The following SLC20A2 variants were observed in gnomAD, a reference collection of about 807,000 sequenced individuals.
The protein encoded by SLC20A2 is solute carrier family 20 member 2.
A neutral mutation model predicts 61.0 loss-of-function variants in SLC20A2; 30 were observed. The observed-to-expected ratio is 0.49, with a 90% confidence interval of 0.37 to 0.67. The LOEUF (loss-of-function observed/expected upper bound fraction) is 0.67. Ranked by LOEUF, SLC20A2 falls within the 30% of genes least tolerant of loss-of-function variation. The pLI, the probability that SLC20A2 is intolerant of heterozygous loss-of-function variation, is 0.00. For synonymous variants in SLC20A2, 351 were observed against 353.3 expected (o/e 0.99, Z 0.07); for missense variants, 626 against 866.4 (o/e 0.72, Z 3.48).
chr8:42,443,294 T>C (rs1804941442), intron 6 of SLC20A2, among the ~76,000 whole-genome samples: 1 of 133,796 alleles, frequency 7.5e-6, no homozygotes, highest in African/African-American at 3.0e-5. Flanking sequence ...TATATATATA[T>C]ATATATATAT....
intron 1 of SLC20A2, among the ~76,000 whole-genome samples, chr8:42,530,269 T>A (rs370159522): frequency 1.3e-5 from 2 of 152,138 alleles, no homozygotes; most frequent in Non-Finnish European, 2.9e-5. Flanking sequence ...TTTTCTACAT[T>A]AGAAATGCAG....
chr8:42,474,718 T>G (rs1807919717), intron 1 of SLC20A2, among the ~76,000 whole-genome samples: 1 of 152,154 alleles, frequency 6.6e-6, no homozygotes. Context: ...CAAAAATGGA[T>G]GTGGTCCTGG....
intron 5 of SLC20A2, among the ~76,000 whole-genome samples, chr8:42,450,951 A>T (rs554950247): frequency 1.3e-5 from 2 of 152,194 alleles, no homozygotes; most frequent in African/African-American, 4.8e-5. Context: ...GGCTTCCCCA[A>T]TCCAAGACTA....
At chr8:42,455,237 A>ATATATAT (rs1194959482) in intron 5 of SLC20A2, among the ~76,000 whole-genome samples, 11 of 101,094 alleles carry the variant, frequency 1.1e-4, no homozygotes, top group Admixed American at 5.5e-4. Flanking sequence ...AAAAAAAAAA[A>ATATATAT]AAAAATATAT....
In SLC20A2 at chr8:42,437,648, C is replaced by CTTG; in HGVS notation, c.935-74_935-72dup. On this transcript the variant is annotated intron_variant, in intron 7 of 10. Coordinates refer to ENST00000520262, the MANE Select transcript of SLC20A2 (RefSeq NM_001257180.2). The surrounding 1 kb of genome is among the most constrained non-coding windows in gnomAD (Gnocchi z 6.4). ...TTTTCTTTTCTTTTTGAGACGGAGC[C>CTTG]TTGCTCTGTCCTCAGGGTGGAGTAC... 2 of 1,285,084 alleles carry CTTG rather than the reference C, an allele frequency of 1.6e-6. No homozygotes were observed. Among genetic ancestry groups the CTTG allele is most frequent in the Non-Finnish European group, 2.1e-6 (2 of 956,674 alleles). The allele number at this position is 1,285,084 out of a possible 1,614,324, so 79.6% of individuals were successfully genotyped here. A position where few individuals can be genotyped will look rare whatever the true frequency, so the allele number is the denominator to read the frequency against.
Position 42,444,710 on chromosome 8 carries a change from G to C in SLC20A2, c.666C>G (p.Val222=). Reference sequence around the variant, plus strand: ...ACACAAAAAAAGCGAACAGGAGGGCGACACCAAAGGAAATGAGGGCTATGG... The same window carrying C: ...ACACAAAAAAAGCGAACAGGAGGGCCACACCAAAGGAAATGAGGGCTATGG... ...MWAIALISFG[V]ALLFAFFVWL... is the part of the protein sequence containing the mutation. Residue 222 remains valine (V), a synonymous_variant, in exon 6 of 11, where the codon GTC becomes GTG. Transcript: ENST00000520262. The C allele has an allele frequency of 6.2e-7, 1 of 1,613,938 alleles. No homozygotes were observed. The highest frequency in any genetic ancestry group is 8.5e-7 in the Non-Finnish European group (1 of 1,179,880).
chr8:42,510,028 GT>G (rs1810943624), intron 1 of SLC20A2, among the ~76,000 whole-genome samples: 1 of 152,206 alleles, frequency 6.6e-6, no homozygotes. Context: ...TAATTCGAAA[GT>G]TAGGTTAACA....
intron 1 of SLC20A2, among the ~76,000 whole-genome samples, chr8:42,509,325 C>G (rs1417442535): frequency 1.3e-5 from 2 of 152,182 alleles, no homozygotes; most frequent in Non-Finnish European, 2.9e-5. Flanking sequence ...ACGTTCCATG[C>G]ACCCCAACAT....
At chr8:42,527,532 C>G in intron 1 of SLC20A2, among the ~76,000 whole-genome samples, 1 of 152,032 alleles carries the variant, frequency 6.6e-6, no homozygotes, top group Non-Finnish European at 1.5e-5. Flanking sequence ...AACCCTAGCA[C>G]TTTGGGGGGC....
intron 8 of SLC20A2, among the ~76,000 whole-genome samples, chr8:42,432,366 A>C (rs1340278471): frequency 2.0e-5 from 3 of 152,238 alleles, no homozygotes; most frequent in Non-Finnish European, 2.9e-5. Context: ...ATCTCATGAA[A>C]GAACTTGAAA....
intron 1 of SLC20A2, among the ~76,000 whole-genome samples, chr8:42,485,273 A>G (rs978872623): frequency 1.3e-5 from 2 of 152,036 alleles, no homozygotes; most frequent in African/African-American, 2.4e-5. Context: ...CGTACAAATA[A>G]AAGACCCAGA....
In SLC20A2 at chr8:42,475,900, G is replaced by C. The variant is rs1395215560; in HGVS notation, c.-264-3246C>G. On this transcript the variant is annotated intron_variant, in intron 1 of 10. Coordinates refer to ENST00000520262, the MANE Select transcript of SLC20A2 (RefSeq NM_001257180.2). ...GAACTGCAGCGGCAAAATCCAACAG[G>C]ACCAGATGGTGGATTAAACATGGGG... 3.9e-5 allele frequency among the ~76,000 whole-genome samples: 6 copies of C among 152,112 alleles called. No individual in the cohort carries two copies. In the East Asian group the frequency reaches 1.2e-3, roughly 30 times the overall value.
chr8:42,496,065 G>C (rs1464196410), intron 1 of SLC20A2, among the ~76,000 whole-genome samples: 4 of 152,164 alleles, frequency 2.6e-5, no homozygotes, highest in African/African-American at 9.7e-5. Flanking sequence ...CCATTTTCAA[G>C]TGCTGAAATA....
chr8:42,430,533 T>A (rs1396578620), intron 8 of SLC20A2, among the ~76,000 whole-genome samples: 47 of 152,100 alleles, frequency 3.1e-4, no homozygotes, highest in Admixed American at 3.1e-3. Context: ...CAGCTAATTT[T>A]TGTATTTTTA....
rs922070890 is a variant in SLC20A2, at chr8:42,472,453, G to C, written c.-63C>G. On this transcript the variant is annotated 5_prime_UTR_variant, in exon 2 of 11. Transcript: ENST00000520262. The surrounding 1 kb of genome is among the most constrained non-coding windows in gnomAD (Gnocchi z 4.1). The stretch of plus-strand genomic sequence containing the variant: ...AATATTTTAAATAAACAAAGCTTGA[G>C]GTTATAAACTTCGTAAGGCCAAGAG... The C allele has an allele frequency of 5.0e-5, 74 of 1,491,982 alleles. No homozygotes were observed. Among genetic ancestry groups the C allele is most frequent in the Non-Finnish European group, 6.3e-5 (69 of 1,092,450 alleles). 92.4% of individuals were successfully genotyped at this position (1,491,982 alleles called of 1,614,324 possible). A position where few individuals can be genotyped will look rare whatever the true frequency, so the allele number is the denominator to read the frequency against.
chr8:42,460,505 T>A (rs966931202), intron 4 of SLC20A2, among the ~76,000 whole-genome samples: 1 of 152,236 alleles, frequency 6.6e-6, no homozygotes, highest in South Asian at 2.1e-4. Context: ...TATTACACAA[T>A]GCATCTTAGC....
intron 4 of SLC20A2, 89 bp from the exon 5 acceptor site, chr8:42,460,081 C>G (rs570880979): frequency 4.0e-6 from 3 of 744,212 alleles, no homozygotes; most frequent in East Asian, 5.5e-5. Context: ...AATACTGTTA[C>G]AAGAAACTCT....
chr8:42,502,283 C>T (rs1191948037), upstream of SLC20A2: 1 of 152,140 alleles, frequency 6.6e-6, no homozygotes, highest in East Asian at 1.9e-4. Flanking sequence ...TAACCACTTA[C>T]CTATAATCCT....
At chr8:42,429,313 T>C (rs1308213425) in intron 9 of SLC20A2, among the ~76,000 whole-genome samples, 1 of 152,176 alleles carries the variant, frequency 6.6e-6, no homozygotes, top group Non-Finnish European at 1.5e-5. Context: ...TCTGTGTGTA[T>C]ATAGGAGGCT....
Sources: allele counts gnomAD v4.1 joint callset (sites outside exome capture counted in the v4.1 genomes callset), GRCh38; gene constraint gnomAD v4.1.1; non-coding constraint Gnocchi (gnomAD v3.1); transcripts MANE v1.5; gene names NCBI Gene and HGNC (gene_info 2026-07-23, HGNC 2026-07-21).